Variants in WDFY4 observed in about 807,000 individuals in gnomAD.
WDFY4 encodes WD repeat- and FYVE domain-containing protein 4.
A neutral mutation model predicts 351.9 loss-of-function variants in WDFY4; 169 were observed. That is an observed-to-expected ratio of 0.48 (90% CI 0.42 to 0.55). The LOEUF (loss-of-function observed/expected upper bound fraction) is 0.55. Ranked by LOEUF, WDFY4 falls within the 20% of genes least tolerant of loss-of-function variation. WDFY4 has a pLI of 0.00. For synonymous variants in WDFY4, 1,622 were observed against 1,574.6 expected, an observed-to-expected ratio of 1.03 and a Z score of -0.71; for missense variants, 3,803 against 3,935.6, an observed-to-expected ratio of 0.97 and a Z score of 0.90.
At chr10:48,914,880 G>C (rs1007848532) in intron 47 of WDFY4, among the ~76,000 whole-genome samples, 13 of 152,320 alleles carry the variant, frequency 8.5e-5, no homozygotes, top group African/African-American at 3.1e-4. Context: ...GGGATGGGGG[G>C]TGCGGGCAAA....
At chr10:48,868,036 G>T (rs2069615801) in intron 40 of WDFY4, among the ~76,000 whole-genome samples, 1 of 152,172 alleles carries the variant, frequency 6.6e-6, no homozygotes, top group Non-Finnish European at 1.5e-5. Flanking sequence ...GTTCTACTAT[G>T]GGGAAAGGAG....
intron 58 of WDFY4, among the ~76,000 whole-genome samples, chr10:48,976,355 GA>G (rs1421754067): frequency 1.7e-4 from 26 of 152,198 alleles, no homozygotes; most frequent in African/African-American, 5.8e-4. Flanking sequence ...ACAAGCTTAT[GA>G]GCCACATGCA....
chr10:48,887,568 G>T (rs1399918361), intron 43 of WDFY4, among the ~76,000 whole-genome samples: 1 of 152,180 alleles, frequency 6.6e-6, no homozygotes, highest in Admixed American at 6.5e-5. Flanking sequence ...CACGAGGTCA[G>T]GAGATCAAGA....
intron 25 of WDFY4, among the ~76,000 whole-genome samples, chr10:48,804,494 T>C (rs146307622): frequency 8.5e-4 from 128 of 151,380 alleles, no homozygotes; most frequent in African/African-American, 2.9e-3. Flanking sequence ...ATACACAGAA[T>C]TGGGCTCTGG....
rs1221774904 is a variant in WDFY4, at chr10:48,735,799, G to A, written c.1688-81G>A. On this transcript the variant is annotated intron_variant, in intron 10 of 61. Coordinates refer to ENST00000325239, the MANE Select transcript of WDFY4 (RefSeq NM_001394531.1). ...GCAAAATGAAGTTTGAAAATTATAA[G>A]ACAAAGCTTTTCTTTTGATTGAAAC... 7 of 1,345,722 alleles carry A rather than the reference G, an allele frequency of 5.2e-6. No homozygotes were observed. In the Admixed American group the frequency reaches 1.1e-4, roughly 21 times the overall value. 83.4% of individuals were successfully genotyped at this position (1,345,722 alleles called of 1,614,324 possible).
intron 20 of WDFY4, among the ~76,000 whole-genome samples, chr10:48,787,907 TTC>T (rs1565198682): frequency 0.034 from 1,291 of 37,598 alleles, 85 homozygotes; most frequent in East Asian, 0.076. Flanking sequence ...CTTCTTCTTC[TTC>T]TTCTTCTTCT....
At chr10:48,970,780 A>G (rs1006625011) in intron 57 of WDFY4, among the ~76,000 whole-genome samples, 2 of 152,230 alleles carry the variant, frequency 1.3e-5, no homozygotes, top group African/African-American at 4.8e-5. Context: ...GAAAAATGAG[A>G]TGCAAAGAAG....
chr10:48,720,614 A>G (rs2064052194), intron 3 of WDFY4, among the ~76,000 whole-genome samples: 1 of 152,024 alleles, frequency 6.6e-6, no homozygotes, highest in African/African-American at 2.4e-5. Context: ...ACACACAGAT[A>G]TACACATAGG....
Position 48,961,293 on chromosome 10 carries a change from T to C in WDFY4, c.8223+1480T>C, listed in dbSNP as rs559950181. Among the ~76,000 whole-genome samples, 18 of 152,320 alleles carry C rather than the reference T, an allele frequency of 1.2e-4. No homozygotes were observed. In the South Asian group the frequency reaches 3.1e-3, roughly 26 times the overall value. On this transcript the variant is annotated intron_variant, in intron 53 of 61. Coordinates refer to ENST00000325239, the MANE Select transcript of WDFY4 (RefSeq NM_001394531.1). Reference sequence around the variant, plus strand: ...GCAGGCAGCAGCAGCCATAGTCTGATAAAAGACAGAGGTACACATGATTCA... The same window carrying C: ...GCAGGCAGCAGCAGCCATAGTCTGACAAAAGACAGAGGTACACATGATTCA...
At chr10:48,805,951 C>A in intron 26 of WDFY4, 53 bp from the exon 27 acceptor site, 1 of 1,483,378 alleles carries the variant, frequency 6.7e-7, no homozygotes, top group East Asian at 2.5e-5. Context: ...ATGTACTCAG[C>A]GGACTCAGTT....
chr10:48,803,776 G>A (rs562364125), intron 25 of WDFY4, among the ~76,000 whole-genome samples: 1 of 152,324 alleles, frequency 6.6e-6, no homozygotes, highest in Admixed American at 6.5e-5. Flanking sequence ...AAGAATACAG[G>A]AAGAAAAGAC....
At position 48,810,977 on chromosome 10, in the gene WDFY4, C is replaced by T. The variant is rs150369094; in HGVS notation, c.5044+242C>T. On this transcript the variant is annotated intron_variant, in intron 29 of 61. Transcript: ENST00000325239. ...CCTTCCATTCCTCCCACCTGCTTAG[C>T]CCTGTTCTCCTGGGCACTGTATACT... Among the ~76,000 whole-genome samples, 120 of 152,270 alleles carry T rather than the reference C, an allele frequency of 7.9e-4. 2 individuals are homozygous for T. The East Asian group carries it at 0.017, about 21-fold the overall frequency.
intron 43 of WDFY4, among the ~76,000 whole-genome samples, chr10:48,883,527 C>T (rs1474335870): frequency 6.6e-6 from 1 of 152,146 alleles, no homozygotes; most frequent in Non-Finnish European, 1.5e-5. Flanking sequence ...CTTTGTGGGC[C>T]TTGTACTTTT....
chr10:48,719,955 C>T lies in WDFY4; in HGVS notation c.235-56C>T, dbSNP rs571098897. The T allele has an allele frequency of 2.4e-4, 359 of 1,476,134 alleles. 4 individuals are homozygous for T. In the East Asian group the frequency reaches 8.6e-3, roughly 35 times the overall value. 91.4% of individuals were successfully genotyped at this position (1,476,134 alleles called of 1,614,324 possible). A position where few individuals can be genotyped will look rare whatever the true frequency, so the allele number is the denominator to read the frequency against. On this transcript the variant is annotated intron_variant, in intron 2 of 61. Coordinates refer to ENST00000325239, the MANE Select transcript of WDFY4 (RefSeq NM_001394531.1). Reference sequence around the variant, plus strand: ...GTGAAGGGTGGCATGGCAGGCAGTGCTCATGCCCTGCTTGTGGCATTGCTA... The same window carrying T: ...GTGAAGGGTGGCATGGCAGGCAGTGTTCATGCCCTGCTTGTGGCATTGCTA...
intron 2 of WDFY4, 71 bp downstream of exon 2, chr10:48,710,037 G>T: frequency 7.3e-7 from 1 of 1,369,112 alleles, no homozygotes; most frequent in Non-Finnish European, 9.8e-7. Flanking sequence ...ATTGCATAGT[G>T]AAGTTGATGG....
chr10:48,738,492 TGCTGGGCAGTTG>T (rs2064746193), intron 11 of WDFY4, among the ~76,000 whole-genome samples: 1 of 152,232 alleles, frequency 6.6e-6, no homozygotes, highest in Non-Finnish European at 1.5e-5. Flanking sequence ...GCCAAGTCAC[TGCTGGGCAGTTG>T]GAGGGCCCAG....
At chr10:48,903,474 G>C (rs1837463258) in intron 47 of WDFY4, among the ~76,000 whole-genome samples, 1 of 152,166 alleles carries the variant, frequency 6.6e-6, no homozygotes, top group Non-Finnish European at 1.5e-5. Flanking sequence ...ATGGTGGCTT[G>C]GATCAGGAAC....
intron 16 of WDFY4, 123 bp downstream of exon 16, chr10:48,777,107 G>A (rs1035554095): frequency 1.0e-5 from 13 of 1,266,732 alleles, no homozygotes; most frequent in South Asian, 6.0e-5. Flanking sequence ...AGAGGAAAAT[G>A]TCTGGGTCAT....
intron 23 of WDFY4, among the ~76,000 whole-genome samples, chr10:48,791,972 C>T (rs757770528): frequency 8.5e-5 from 13 of 152,160 alleles, no homozygotes; most frequent in Non-Finnish European, 1.9e-4. Flanking sequence ...TGGTGTCCCT[C>T]CTGTGTGTAA....
Sources: gnomAD v4.1 joint callset for allele counts (sites outside exome capture counted in the v4.1 genomes callset) on GRCh38, gnomAD v4.1.1 for gene constraint, MANE v1.5 for transcripts, NCBI Gene and HGNC (gene_info 2026-07-23, HGNC 2026-07-21) for gene names.